NELL1: variants seen among roughly 807,000 people sequenced by gnomAD.
The protein encoded by NELL1 is neural EGFL like 1.
In NELL1, 76 loss-of-function variants were observed where a neutral mutation model predicts 107.4. The ratio of observed to expected loss-of-function variants is 0.71; its 90% CI spans 0.59 to 0.86. NELL1 has a LOEUF of 0.86. Ranked by LOEUF, NELL1 falls within the 40% of genes least tolerant of loss-of-function variation. The probability of loss-of-function intolerance (pLI) is 0.00; values close to 1 mark genes in which losing one functional copy is unlikely to be tolerated. For missense variants in NELL1, 1,024 were observed against 1,005.5 expected (o/e 1.02, Z -0.25); for synonymous variants, 353 against 341.2 (o/e 1.03, Z -0.38).
At chr11:21,011,378 AG>A (rs1351675318) in intron 12 of NELL1, among the ~76,000 whole-genome samples, 9 of 152,176 alleles carry the variant, frequency 5.9e-5, no homozygotes, top group African/African-American at 1.9e-4. Context: ...ATGAAAGGAA[AG>A]GGGAGGAAGC....
chr11:20,723,116 T>G (rs1855429921), intron 2 of NELL1, among the ~76,000 whole-genome samples: 1 of 152,004 alleles, frequency 6.6e-6, no homozygotes, highest in South Asian at 2.1e-4. Flanking sequence ...CAAGATGAGA[T>G]TTGGGTGGGA....
intron 5 of NELL1, among the ~76,000 whole-genome samples, chr11:20,911,756 C>A (rs559500622): frequency 3.7e-4 from 56 of 152,308 alleles, no homozygotes; most frequent in African/African-American, 1.3e-3. Flanking sequence ...TGGCTCATTA[C>A]AAAGATACTT....
chr11:20,685,934 T>C (rs1854295383), intron 2 of NELL1, among the ~76,000 whole-genome samples: 1 of 152,046 alleles, frequency 6.6e-6, no homozygotes. Context: ...TAAATGGAAG[T>C]ATTTTGAGGC....
chr11:20,796,922 G>T (rs112890648), intron 3 of NELL1, among the ~76,000 whole-genome samples: 1 of 152,196 alleles, frequency 6.6e-6, no homozygotes, highest in Non-Finnish European at 1.5e-5. Flanking sequence ...CAGCCAAGAT[G>T]AATGGAAGAG....
At position 20,879,609 on chromosome 11, in the gene NELL1, G is replaced by A. The variant is rs190404367; in HGVS notation, c.507-5835G>A. Among the ~76,000 whole-genome samples the A allele has an allele frequency of 4.6e-5, 7 of 152,048 alleles. No individual in the cohort carries two copies. The East Asian group carries it at 1.2e-3, about 25-fold the overall frequency. On this transcript the variant is annotated intron_variant, in intron 4 of 19. Coordinates refer to ENST00000357134, the MANE Select transcript of NELL1 (RefSeq NM_006157.5). ...TGTGTGTGGGTGTCAGGTGGGGCGG[G>A]GGTTTGGTGATAGTGTGTTTAAGCA...
At position 20,739,164 on chromosome 11, in the gene NELL1, C is replaced by T. The variant is rs557506738; in HGVS notation, c.185-44516C>T. 6.6e-5 allele frequency among the ~76,000 whole-genome samples: 10 copies of T among 152,320 alleles called. No homozygotes were observed. The South Asian group carries it at 1.7e-3, about 25-fold the overall frequency. On this transcript the variant is annotated intron_variant, in intron 2 of 19. Coordinates refer to ENST00000357134, the MANE Select transcript of NELL1 (RefSeq NM_006157.5). ...TGTCCTTGTAGAAAGCTCTGTTGGACGCACTGCCTGACAAAGAGCAGGGAA... is the reference window on the plus strand; with the variant it reads ...TGTCCTTGTAGAAAGCTCTGTTGGATGCACTGCCTGACAAAGAGCAGGGAA...
intron 15 of NELL1, among the ~76,000 whole-genome samples, chr11:21,445,305 T>C (rs928023377): frequency 6.6e-6 from 1 of 151,484 alleles, no homozygotes; most frequent in African/African-American, 2.4e-5. Context: ...GTTTTTTGTT[T>C]TTGTTCTTGT....
chr11:20,975,920 C>T (rs1157344383), intron 12 of NELL1, among the ~76,000 whole-genome samples: 3 of 108,460 alleles, frequency 2.8e-5, no homozygotes, highest in African/African-American at 1.2e-4. Flanking sequence ...TATATAAACA[C>T]ACATATATGT....
rs2280363 is a variant in NELL1, at chr11:20,783,789, C to T, written c.294C>T (p.Ser98=). ...TGGCCACTGTACAGCAGAAGCCATC[C>T]ACTTCAGGAGTGATACTGTCCATTC... ...TILATVQQKP[S]TSGVILSIRE... is the part of the protein sequence containing the mutation. Residue 98 remains serine, a synonymous_variant, in exon 3 of 20, where the codon TCC becomes TCT. Transcript: ENST00000357134. 0.25 allele frequency: 397,161 copies of T among 1,612,954 alleles called. 51,868 individuals carry two copies. Among genetic ancestry groups the T allele is most frequent in the African/African-American group, 0.43 (32,016 of 74,870 alleles).
intron 7 of NELL1, among the ~76,000 whole-genome samples, chr11:20,924,960 G>A (rs867336029): frequency 2.0e-4 from 31 of 152,136 alleles, no homozygotes; most frequent in African/African-American, 7.5e-4. Flanking sequence ...AATTTTCCAT[G>A]TACCGAGTAC....
chr11:20,878,358 C>CAAAAAAAAAAAA (rs58962461), intron 4 of NELL1, among the ~76,000 whole-genome samples: 3 of 95,764 alleles, frequency 3.1e-5, no homozygotes, highest in African/African-American at 7.2e-5. Context: ...GACCCCGTCT[C>CAAAAAAAAAAAA]AAAAAAAAAA....
chr11:20,745,223 T>C (rs1455515522), intron 2 of NELL1, among the ~76,000 whole-genome samples: 12 of 152,196 alleles, frequency 7.9e-5, no homozygotes, highest in Admixed American at 7.9e-4. Context: ...TCAGTAAATA[T>C]TTGTTTTTTG....
At chr11:21,331,298 A>T (rs1406514042) in intron 14 of NELL1, among the ~76,000 whole-genome samples, 2 of 151,564 alleles carry the variant, frequency 1.3e-5, no homozygotes, top group African/African-American at 2.4e-5. Context: ...CCTTTTTTTT[A>T]GAACAGTAGG....
At chr11:20,942,548 G>T (rs1390032809) in intron 10 of NELL1, among the ~76,000 whole-genome samples, 1 of 152,186 alleles carries the variant, frequency 6.6e-6, no homozygotes, top group Non-Finnish European at 1.5e-5. Context: ...CAAGGATGTT[G>T]TGTAGATTAA....
intron 15 of NELL1, among the ~76,000 whole-genome samples, chr11:21,526,293 T>G (rs1047935802): frequency 7.9e-4 from 121 of 152,310 alleles, no homozygotes; most frequent in African/African-American, 2.9e-3. Context: ...GATGGAAGAA[T>G]TGGGTTCCCA....
intron 15 of NELL1, among the ~76,000 whole-genome samples, chr11:21,442,286 A>C (rs917514272): frequency 6.6e-6 from 1 of 152,152 alleles, no homozygotes; most frequent in Non-Finnish European, 1.5e-5. Flanking sequence ...CTGGAATTCT[A>C]TATATCAACC....
At position 20,824,249 on chromosome 11, in the gene NELL1, C is replaced by T. The variant is rs1408579593; in HGVS notation, c.336-23334C>T. On this transcript the variant is annotated intron_variant, in intron 3 of 19. Coordinates refer to ENST00000357134, the MANE Select transcript of NELL1 (RefSeq NM_006157.5). ...CTCCTTCTGCCATGAATGCAAGTTT[C>T]CTGGGGACTTCCCAGCCAAGCTGAA... 1.3e-5 allele frequency among the ~76,000 whole-genome samples: 2 copies of T among 151,286 alleles called. 1 individual carries two copies. The highest frequency in any genetic ancestry group is 3.0e-5 in the Non-Finnish European group (2 of 67,594).
At chr11:20,796,540 C>A in intron 3 of NELL1, among the ~76,000 whole-genome samples, 1 of 38,544 alleles carries the variant, frequency 2.6e-5, no homozygotes, top group East Asian at 1.0e-3. Flanking sequence ...AAATTGGAGA[C>A]TTGCCCTAAA....
At chr11:20,971,224 G>T (rs1414318957) in intron 12 of NELL1, among the ~76,000 whole-genome samples, 3 of 152,020 alleles carry the variant, frequency 2.0e-5, no homozygotes, top group African/African-American at 7.2e-5. Context: ...AAAAAATCAT[G>T]CTGAGACATT....
Sources: gnomAD v4.1 joint callset for allele counts (sites outside exome capture counted in the v4.1 genomes callset) on GRCh38, gnomAD v4.1.1 for gene constraint, MANE v1.5 for transcripts, NCBI Gene and HGNC (gene_info 2026-07-23, HGNC 2026-07-21) for gene names.